The following EPHB1 variants were observed in gnomAD, a reference collection of about 807,000 sequenced individuals.
The protein encoded by EPHB1 is ephrin type-B receptor 1.
In EPHB1, 30 loss-of-function variants were observed where a neutral mutation model predicts 94.4. The ratio of observed to expected loss-of-function variants is 0.32; its 90% CI spans 0.24 to 0.43. EPHB1 has a LOEUF of 0.43. Ranked by LOEUF, EPHB1 falls within the 20% of genes least tolerant of loss-of-function variation. The pLI is 1.00. For synonymous variants in EPHB1, 522 were observed against 489.1 expected, an observed-to-expected ratio of 1.07 and a Z score of -0.89; for missense variants, 1,055 against 1,308.3, an observed-to-expected ratio of 0.81 and a Z score of 2.99.
intron 5 of EPHB1, among the ~76,000 whole-genome samples, chr3:135,141,518 G>T (rs569854127): frequency 6.6e-6 from 1 of 152,158 alleles, no homozygotes; most frequent in South Asian, 2.1e-4. Flanking sequence ...CAGCGGGCTG[G>T]TCTTTGTTTG....
intron 3 of EPHB1, among the ~76,000 whole-genome samples, chr3:134,974,205 T>C (rs932278943): frequency 6.6e-6 from 1 of 152,138 alleles, no homozygotes; most frequent in Non-Finnish European, 1.5e-5. Flanking sequence ...CATTCAAGGA[T>C]GCACGCGTGC....
At chr3:134,919,689 A>G (rs1177271154) in intron 1 of EPHB1, among the ~76,000 whole-genome samples, 1 of 152,208 alleles carries the variant, frequency 6.6e-6, no homozygotes, top group Non-Finnish European at 1.5e-5. Context: ...GAGCATGTGC[A>G]GATCAGGTTC....
chr3:135,256,286 G>A (rs1352610267), intron 15 of EPHB1, among the ~76,000 whole-genome samples: 1 of 152,120 alleles, frequency 6.6e-6, no homozygotes, highest in East Asian at 1.9e-4. Flanking sequence ...TATTTTGCTT[G>A]TTAGTTGATG....
chr3:134,882,745 TCTTCCTTTCTTCCTTCCTTC>T (rs1165627284), intron 1 of EPHB1, among the ~76,000 whole-genome samples: 854 of 78,150 alleles, frequency 0.011, 49 homozygotes, highest in African/African-American at 0.047. Context: ...TTTCCTTCTT[TCTTCCTTTCTTCCTTCCTTC>T]CTTTCTTTCT....
chr3:134,914,039 A>G (rs113523638), intron 1 of EPHB1, among the ~76,000 whole-genome samples: 16 of 152,286 alleles, frequency 1.1e-4, no homozygotes, highest in African/African-American at 3.6e-4. Context: ...GTGGTTGTGC[A>G]GGAGTTGGCT....
At chr3:134,812,328 G>A (rs1448208222) in intron 1 of EPHB1, among the ~76,000 whole-genome samples, 2 of 152,084 alleles carry the variant, frequency 1.3e-5, no homozygotes, top group Non-Finnish European at 2.9e-5. Context: ...TGGTTCTATT[G>A]TTTTGCTTTT....
At chr3:134,998,690 TG>T (rs1935076495) in intron 3 of EPHB1, among the ~76,000 whole-genome samples, 1 of 152,226 alleles carries the variant, frequency 6.6e-6, no homozygotes, top group African/African-American at 2.4e-5. Flanking sequence ...CTTAATATAT[TG>T]CGTTAAATCA....
intron 1 of EPHB1, among the ~76,000 whole-genome samples, chr3:134,910,332 A>T (rs11707204): frequency 1.4e-4 from 22 of 152,044 alleles, no homozygotes; most frequent in Admixed American, 6.5e-5. Flanking sequence ...TTTGCCCCCC[A>T]CTGTGGAAAA....
At chr3:134,970,065 T>C (rs1226744543) in intron 3 of EPHB1, among the ~76,000 whole-genome samples, 2 of 152,244 alleles carry the variant, frequency 1.3e-5, no homozygotes, top group Non-Finnish European at 2.9e-5. Flanking sequence ...ACTGATCTCT[T>C]TATTCTCTTA....
intron 5 of EPHB1, among the ~76,000 whole-genome samples, chr3:135,144,961 A>G (rs1365661642): frequency 6.6e-6 from 1 of 152,244 alleles, no homozygotes; most frequent in African/African-American, 2.4e-5. Context: ...TCCACAATAG[A>G]GGAAAACAAT....
chr3:135,057,883 G>C (rs1241293072), intron 3 of EPHB1, among the ~76,000 whole-genome samples: 1 of 152,182 alleles, frequency 6.6e-6, no homozygotes, highest in Non-Finnish European at 1.5e-5. Context: ...TTGTCTTTTA[G>C]GTTGGCTTCA....
chr3:134,797,092 T>C (rs903018612), intron 1 of EPHB1, among the ~76,000 whole-genome samples: 3 of 152,064 alleles, frequency 2.0e-5, no homozygotes, highest in African/African-American at 7.2e-5. Flanking sequence ...GGTGGCGGCG[T>C]GGGGGTGCGG....
At chr3:134,814,082 A>G (rs2108287205) in intron 1 of EPHB1, among the ~76,000 whole-genome samples, 1 of 152,326 alleles carries the variant, frequency 6.6e-6, no homozygotes, top group Middle Eastern at 3.4e-3. Context: ...CTCCTGTCAC[A>G]CTGCCCAGGA....
chr3:135,217,474 G>GGGGAGA, intron 12 of EPHB1, among the ~76,000 whole-genome samples: 1 of 146,180 alleles, frequency 6.8e-6, no homozygotes, highest in African/African-American at 2.5e-5. Context: ...ACACGCACAC[G>GGGGAGA]GGGAGAGAGA....
intron 1 of EPHB1, among the ~76,000 whole-genome samples, chr3:134,879,395 G>C (rs886133771): frequency 6.6e-6 from 1 of 152,134 alleles, no homozygotes; most frequent in Non-Finnish European, 1.5e-5. Flanking sequence ...CTAGCATTTT[G>C]GGAGGCCGAG....
chr3:134,919,904 G>A (rs2038648150), intron 1 of EPHB1, among the ~76,000 whole-genome samples: 1 of 152,022 alleles, frequency 6.6e-6, no homozygotes. Flanking sequence ...ACAAATATGT[G>A]AAGGGGACGG....
chr3:134,802,026 T>G (rs982946510), intron 1 of EPHB1, among the ~76,000 whole-genome samples: 16 of 152,256 alleles, frequency 1.1e-4, no homozygotes, highest in African/African-American at 3.6e-4. Context: ...AGCTCTGTCC[T>G]TCCTTGTGCC....
intron 8 of EPHB1, 118 bp from the exon 9 acceptor site, chr3:135,166,824 C>G (rs1559858784): frequency 5.8e-6 from 6 of 1,036,214 alleles, no homozygotes; most frequent in Non-Finnish European, 5.8e-6. Flanking sequence ...TGCCCAGTCC[C>G]TAATCCTGGG....
chr3:135,173,009 G>A (rs564701520), intron 9 of EPHB1, among the ~76,000 whole-genome samples: 4 of 151,094 alleles, frequency 2.6e-5, no homozygotes, highest in African/African-American at 7.3e-5. Context: ...GCAGAGAGAT[G>A]TTAAGCTTTT....
Sources: gnomAD v4.1 joint callset for allele counts (sites outside exome capture counted in the v4.1 genomes callset) on GRCh38, gnomAD v4.1.1 for gene constraint, MANE v1.5 for transcripts, NCBI Gene and HGNC (gene_info 2026-07-23, HGNC 2026-07-21) for gene names.